Variants in GRM8 observed in about 807,000 individuals in gnomAD.
The protein encoded by GRM8 is glutamate metabotropic receptor 8.
In GRM8, 47 loss-of-function variants were observed where a neutral mutation model predicts 87.2. The ratio of observed to expected loss-of-function variants is 0.54; its 90% confidence interval spans 0.43 to 0.69. The LOEUF is 0.69. GRM8 is among the 30% of genes least tolerant of loss of function. The pLI is 0.00. For missense variants in GRM8, 1,019 were observed against 1,139.2 expected, an observed-to-expected ratio of 0.89 and a Z score of 1.52; for synonymous variants, 396 against 404.5, an observed-to-expected ratio of 0.98 and a Z score of 0.25.
Position 127,106,596 on chromosome 7 carries a change from G to T in GRM8, c.627C>A (p.Ile209=), listed in dbSNP as rs562607294. 2.7e-5 allele frequency: 43 copies of T among 1,614,030 alleles called. No homozygotes were observed. In the South Asian group the frequency reaches 4.4e-4, roughly 16 times the overall value. ...CATAATTCCATCCCAGTGCTGTCACGATGTCCACCATGGCTTGGGCTTGGT... is the reference window on the plus strand; with the variant it reads ...CATAATTCCATCCCAGTGCTGTCACTATGTCCACCATGGCTTGGGCTTGGT... ...DSYQAQAMVD[I]VTALGWNYVS... The change falls in exon 3 of 11, where the codon ATC becomes ATA. Residue 209 remains isoleucine (I), a synonymous_variant. Coordinates refer to ENST00000339582, the MANE Select transcript of GRM8 (RefSeq NM_000845.3).
At chr7:126,794,880 A>G (rs1821784972) in intron 6 of GRM8, among the ~76,000 whole-genome samples, 1 of 152,162 alleles carries the variant, frequency 6.6e-6, no homozygotes, top group Non-Finnish European at 1.5e-5. Flanking sequence ...CTGCCAAGCT[A>G]GCCAGTGGTT....
intron 9 of GRM8, among the ~76,000 whole-genome samples, chr7:126,460,103 C>T (rs1803724605): frequency 6.6e-6 from 1 of 151,510 alleles, no homozygotes; most frequent in African/African-American, 2.4e-5. Context: ...GTCAAAGTAG[C>T]CAGGTTTCAA....
At chr7:126,525,781 T>G (rs1213738999) in intron 9 of GRM8, among the ~76,000 whole-genome samples, 2 of 152,186 alleles carry the variant, frequency 1.3e-5, no homozygotes, top group Non-Finnish European at 2.9e-5. Context: ...GTCTTCTTTC[T>G]TTTTTAAAAT....
chr7:126,640,080 A>T (rs1025459544), intron 7 of GRM8, among the ~76,000 whole-genome samples: 2 of 152,232 alleles, frequency 1.3e-5, no homozygotes, highest in African/African-American at 2.4e-5. Context: ...AATCGAAGGA[A>T]TGTGAGATAT....
chr7:127,150,096 T>C (rs1184839185), intron 2 of GRM8, among the ~76,000 whole-genome samples: 1 of 152,102 alleles, frequency 6.6e-6, no homozygotes, highest in Non-Finnish European at 1.5e-5. Context: ...GTAACCTTTT[T>C]ACTATCCACA....
chr7:127,082,984 G>A (rs1823035043), intron 3 of GRM8, among the ~76,000 whole-genome samples: 1 of 152,144 alleles, frequency 6.6e-6, no homozygotes, highest in South Asian at 2.1e-4. Flanking sequence ...ACACAACCAA[G>A]AGGAATTCCC....
chr7:126,476,349 C>T (rs1269500142), intron 9 of GRM8, among the ~76,000 whole-genome samples: 6 of 151,952 alleles, frequency 3.9e-5, no homozygotes, highest in East Asian at 1.9e-4. Flanking sequence ...CCCAGGGGTT[C>T]GAGGCTATGC....
chr7:126,750,198 T>C (rs1816261135), intron 7 of GRM8, among the ~76,000 whole-genome samples: 1 of 152,092 alleles, frequency 6.6e-6, no homozygotes, highest in Non-Finnish European at 1.5e-5. Context: ...AAAAACTTCG[T>C]GCTAAGTGGG....
At chr7:127,001,317 C>T (rs1347005747) in intron 3 of GRM8, among the ~76,000 whole-genome samples, 1 of 151,326 alleles carries the variant, frequency 6.6e-6, no homozygotes, top group Admixed American at 6.6e-5. Context: ...TGCAAAAAAA[C>T]CCAAAAGTGA....
chr7:127,131,385 A>C (rs1308188142), intron 2 of GRM8, among the ~76,000 whole-genome samples: 1 of 152,234 alleles, frequency 6.6e-6, no homozygotes, highest in African/African-American at 2.4e-5. Flanking sequence ...AGGGACAGAC[A>C]ACAAAGTTTT....
At chr7:126,781,551 CAT>C (rs1298345434) in intron 6 of GRM8, among the ~76,000 whole-genome samples, 1 of 152,140 alleles carries the variant, frequency 6.6e-6, no homozygotes, top group Admixed American at 6.5e-5. Context: ...TAAATATAAA[CAT>C]AGAAAAGTAA....
At chr7:126,688,894 A>T (rs578247026) in intron 7 of GRM8, among the ~76,000 whole-genome samples, 69 of 152,284 alleles carry the variant, frequency 4.5e-4, no homozygotes, top group African/African-American at 1.6e-3. Context: ...CTACAAAAAA[A>T]AGGTTCACAC....
chr7:126,661,296 A>G (rs964509156), intron 7 of GRM8, among the ~76,000 whole-genome samples: 2 of 145,622 alleles, frequency 1.4e-5, no homozygotes, highest in African/African-American at 5.7e-5. Context: ...AAGTATATAT[A>G]CCTACAATAT....
chr7:126,528,141 T>G (rs1041738393), intron 9 of GRM8, among the ~76,000 whole-genome samples: 3 of 152,054 alleles, frequency 2.0e-5, no homozygotes, highest in Non-Finnish European at 4.4e-5. Flanking sequence ...AAGGCAGAGG[T>G]TGCAGTGAGC....
At chr7:127,242,432 A>C (rs976961383) in intron 2 of GRM8, among the ~76,000 whole-genome samples, 1 of 152,174 alleles carries the variant, frequency 6.6e-6, no homozygotes, top group African/African-American at 2.4e-5. Flanking sequence ...ACAAGGACCC[A>C]ATATATCACA....
At chr7:126,885,465 TC>T (rs1800401918) in intron 6 of GRM8, among the ~76,000 whole-genome samples, 1 of 152,082 alleles carries the variant, frequency 6.6e-6, no homozygotes, top group African/African-American at 2.4e-5. Context: ...ACTCTTTTCT[TC>T]CCTATCATCT....
intron 7 of GRM8, among the ~76,000 whole-genome samples, chr7:126,703,614 C>T (rs927850221): frequency 7.9e-5 from 12 of 152,282 alleles, no homozygotes; most frequent in Middle Eastern, 3.4e-3. Flanking sequence ...GGCTGAAGTG[C>T]AGTGGTATGA....
At position 127,242,963 on chromosome 7, in the gene GRM8, T is replaced by A; in HGVS notation, c.242A>T (p.Tyr81Phe). The change falls in exon 2 of 11, where the codon TAT (tyrosine) becomes TTT (phenylalanine). Residue 81 changes from tyrosine to phenylalanine, a missense_variant. Physicochemically the swap from Tyr to Phe is conservative, Grantham distance 22 (BLOSUM62 3). Coordinates refer to ENST00000339582, the MANE Select transcript of GRM8 (RefSeq NM_000845.3). Reference protein sequence around the residue: ...KGIHRLEAMLYAIDQINKDPD... With the variant: ...KGIHRLEAMLFAIDQINKDPD... ...GTCCTTGTTAATCTGGTCAATTGCA[T>A]AAAGCATGGCCTCCAGTCTGTGAAT... The A allele has an allele frequency of 6.2e-7, 1 of 1,614,144 alleles. No homozygotes were observed. The highest frequency in any genetic ancestry group is 2.2e-5 in the East Asian group (1 of 44,876).
chr7:126,547,347 G>GTTA (rs1817266003), intron 8 of GRM8, among the ~76,000 whole-genome samples: 1 of 151,984 alleles, frequency 6.6e-6, no homozygotes, highest in Non-Finnish European at 1.5e-5. Context: ...GGCATCTAAA[G>GTTA]TTATTATAAC....
Sources: gnomAD v4.1 joint callset for allele counts (sites outside exome capture counted in the v4.1 genomes callset) on GRCh38, gnomAD v4.1.1 for gene constraint, MANE v1.5 for transcripts, NCBI Gene and HGNC (gene_info 2026-07-23, HGNC 2026-07-21) for gene names.